USP22: variants seen among roughly 807,000 people sequenced by gnomAD.
The protein encoded by USP22 is ubiquitin specific peptidase 22, also known as ubiquitin carboxyl-terminal hydrolase 22.
USP22 carries 22 observed loss-of-function variants against 68.1 expected under a neutral mutation model. That is an observed-to-expected ratio of 0.32 (90% CI 0.23 to 0.46). The LOEUF (loss-of-function observed/expected upper bound fraction) is 0.46. USP22 is among the 20% of genes least tolerant of loss of function. USP22 has a pLI of 1.00. For missense variants in USP22, 433 were observed against 695.8 expected (o/e 0.62, Z 4.25); for synonymous variants, 279 against 274.2 (o/e 1.02, Z -0.17).
intron 10 of USP22, among the ~76,000 whole-genome samples, chr17:21,005,650 T>A (rs1913754701): frequency 6.6e-6 from 1 of 152,184 alleles, no homozygotes; most frequent in Non-Finnish European, 1.5e-5. Context: ...CAGGAGGTCA[T>A]CTGTGTGCCA....
chr17:21,040,711 A>G (rs1037611470), intron 1 of USP22, among the ~76,000 whole-genome samples: 9 of 152,094 alleles, frequency 5.9e-5, no homozygotes, highest in African/African-American at 2.2e-4. Flanking sequence ...GGGGGAAGAA[A>G]GGGAGAGGGA....
chr17:21,040,187 T>C (rs1238059071), intron 1 of USP22, among the ~76,000 whole-genome samples: 1 of 152,194 alleles, frequency 6.6e-6, no homozygotes, highest in East Asian at 1.9e-4. Flanking sequence ...CAAAAAATAA[T>C]TTTTAATAAA....
chr17:21,004,297 G>A lies in USP22; in HGVS notation c.1440C>T (p.Tyr480=). The change falls in exon 12 of 13, where the codon TAC becomes TAT. Residue 480 remains tyrosine (Y), a synonymous_variant. Coordinates refer to ENST00000261497, the MANE Select transcript of USP22 (RefSeq NM_015276.2). The stretch of plus-strand genomic sequence containing the variant: ...CTTTGTGCTGCCGGATAAAGCTGGT[G>A]TAGTGGCCACTCTCCAAGGTCCCTT... ...NHQGTLESGH[Y]TSFIRQHKDQ... 4.3e-6 allele frequency: 7 copies of A among 1,614,184 alleles called. No homozygotes were observed. The highest frequency in any genetic ancestry group is 5.9e-6 in the Non-Finnish European group (7 of 1,180,020).
chr17:21,002,469 C>T lies in USP22; in HGVS notation c.*562G>A, dbSNP rs144190356. 2.4e-3 allele frequency: 364 copies of T among 153,282 alleles called. 1 individual carries two copies. The highest frequency in any genetic ancestry group is 3.7e-3 in the Non-Finnish European group (255 of 68,766). 9.5% of individuals were successfully genotyped at this position (153,282 alleles called of 1,614,324 possible). A position where few individuals can be genotyped will look rare whatever the true frequency, so the allele number is the denominator to read the frequency against. On this transcript the variant is annotated 3_prime_UTR_variant, in exon 13 of 13. Transcript: ENST00000261497. ...CCTGCAGAACAGACACGCTTGAAAA[C>T]GCGACGTAGTGTCCGTACTTCCGAA...
Position 21,004,213 on chromosome 17 carries a change from C to G in USP22, c.1524G>C (p.Leu508=). The G allele has an allele frequency of 6.2e-7, 1 of 1,614,140 alleles. No individual in the cohort carries two copies. Among genetic ancestry groups the G allele is most frequent in the Non-Finnish European group, 8.5e-7 (1 of 1,179,998 alleles). ...CCCACAGGACGCACCCTTCGCTGTC[C>G]AGGACGTCCTTGATGCTGGCCTTGG... is the stretch of plus-strand genomic sequence containing the variant. The part of the protein sequence containing the change: ...IITKASIKDV[L]DSEGYLLFYH... Residue 508 remains leucine, a synonymous_variant, in exon 12 of 13, where the codon CTG becomes CTC. Transcript: ENST00000261497.
At chr17:21,032,966 T>C (rs1477870282) in intron 1 of USP22, among the ~76,000 whole-genome samples, 1 of 140,594 alleles carries the variant, frequency 7.1e-6, no homozygotes, top group Non-Finnish European at 1.5e-5. Flanking sequence ...TGAAAATGCA[T>C]TCCCCAGGCA....
In USP22 at chr17:21,005,046, C is replaced by A. The variant is rs74420337; in HGVS notation, c.1323-56G>T. On this transcript the variant is annotated intron_variant, in intron 10 of 12. Coordinates refer to ENST00000261497, the MANE Select transcript of USP22 (RefSeq NM_015276.2). ...ATTAAAATCATCAGGCCCAGAGACA[C>A]AAGGCTCTCGTGAAACCAACACTTA... 5,697 of 1,596,496 alleles carry A rather than the reference C, an allele frequency of 3.6e-3. 128 individuals are homozygous for A. The East Asian group carries it at 0.051, about 14-fold the overall frequency.
At chr17:21,018,532 TG>T (rs1972116007) in intron 4 of USP22, among the ~76,000 whole-genome samples, 1 of 151,766 alleles carries the variant, frequency 6.6e-6, no homozygotes, top group Non-Finnish European at 1.5e-5. Flanking sequence ...CTGGGCAACA[TG>T]GTGAGATGTC....
At chr17:21,011,825 G>A (rs978466837) in intron 7 of USP22, among the ~76,000 whole-genome samples, 3 of 152,180 alleles carry the variant, frequency 2.0e-5, no homozygotes, top group Non-Finnish European at 2.9e-5. Flanking sequence ...AAAACTTGCA[G>A]ACTGGGAAAT....
intron 2 of USP22, among the ~76,000 whole-genome samples, chr17:21,023,395 G>A (rs771835674): frequency 2.6e-5 from 4 of 152,170 alleles, no homozygotes; most frequent in Non-Finnish European, 5.9e-5. Context: ...GCTCACACCT[G>A]TAATCCCAGC....
At chr17:21,016,454 G>A (rs1005546625) in intron 5 of USP22, among the ~76,000 whole-genome samples, 2 of 152,348 alleles carry the variant, frequency 1.3e-5, no homozygotes, top group Middle Eastern at 3.4e-3. Context: ...CCACAGAGGG[G>A]TCTTGCCTGT....
chr17:21,009,760 C>A (rs1278479821), intron 8 of USP22, among the ~76,000 whole-genome samples: 1 of 152,014 alleles, frequency 6.6e-6, no homozygotes, highest in Admixed American at 6.6e-5. Context: ...TTTGGGACTA[C>A]CCTGGCCAAT....
At chr17:21,042,544 A>T in intron 1 of USP22, 121 bp downstream of exon 1, 1 of 963,702 alleles carries the variant, frequency 1.0e-6, no homozygotes, top group Non-Finnish European at 1.4e-6. Flanking sequence ...AGAGAGGAAG[A>T]GGAAGGACAG....
rs1417055819 is a variant in USP22 at position 21,002,995 on chromosome 17, C to A, written c.*36G>T. The A allele has an allele frequency of 6.2e-7, 1 of 1,611,874 alleles. No individual in the cohort carries two copies. The highest frequency in any genetic ancestry group is 8.5e-7 in the Non-Finnish European group (1 of 1,179,042). On this transcript the variant is annotated 3_prime_UTR_variant, in exon 13 of 13. Transcript: ENST00000261497. ...GATCACTTTGTGAGGCTTGCCAATG[C>A]ATTGCCTTTGTTTTTCTGACCAGCT...
intron 1 of USP22, among the ~76,000 whole-genome samples, chr17:21,031,410 C>A (rs2143624208): frequency 6.6e-6 from 1 of 152,370 alleles, no homozygotes; most frequent in South Asian, 2.1e-4. Flanking sequence ...CTAAACACAA[C>A]AAGCTCCTGC....
rs149843618 is a variant in USP22, at chr17:21,032,437, CAT to C, written c.172-3765_172-3764del. On this transcript the variant is annotated intron_variant, in intron 1 of 12. Transcript: ENST00000261497. ...AGGCAGACACAGGAGTAAGGTAGCA[CAT>C]GTCTTCCAGTGTCTGGAGGAGGCCA... Among the ~76,000 whole-genome samples the C allele has an allele frequency of 2.8e-3, 425 of 152,300 alleles. 2 individuals carry two copies. The highest frequency in any genetic ancestry group is 9.9e-3 in the African/African-American group (410 of 41,558).
chr17:21,023,298 A>C (rs1972179665), intron 2 of USP22, among the ~76,000 whole-genome samples: 1 of 152,238 alleles, frequency 6.6e-6, no homozygotes, highest in South Asian at 2.1e-4. Context: ...TAATACGTTT[A>C]TATAACAAAC....
intron 1 of USP22, among the ~76,000 whole-genome samples, chr17:21,040,242 G>A (rs79877275): frequency 0.2 from 30,668 of 152,160 alleles, 3,866 homozygotes; most frequent in South Asian, 0.29. Context: ...AGATCTGATG[G>A]AAATCCTATG....
intron 3 of USP22, among the ~76,000 whole-genome samples, chr17:21,020,333 C>T (rs1386920191): frequency 6.6e-6 from 1 of 151,248 alleles, no homozygotes; most frequent in African/African-American, 2.4e-5. Context: ...CATGTTTGCT[C>T]CTCTCACTCT....
Sources: gnomAD v4.1 joint callset for allele counts (sites outside exome capture counted in the v4.1 genomes callset) on GRCh38, gnomAD v4.1.1 for gene constraint, MANE v1.5 for transcripts, NCBI Gene and HGNC (gene_info 2026-07-23, HGNC 2026-07-21) for gene names.